GRIN2A: variants seen among roughly 807,000 people sequenced by gnomAD.
GRIN2A encodes the protein glutamate receptor ionotropic, NMDA 2A.
In GRIN2A, 22 loss-of-function variants were observed where a neutral mutation model predicts 113.4. The ratio of observed to expected loss-of-function variants is 0.19; its 90% CI spans 0.14 to 0.28. GRIN2A has a LOEUF of 0.28. Ranked by LOEUF, GRIN2A falls within the 10% of genes least tolerant of loss-of-function variation. The probability of loss-of-function intolerance (pLI) is 1.00; values close to 1 mark genes in which losing one functional copy is unlikely to be tolerated. For missense variants in GRIN2A, 1,502 were observed against 1,887.0 expected (o/e 0.80, Z 3.78); for synonymous variants, 827 against 738.4 (o/e 1.12, Z -1.94).
intron 2 of GRIN2A, among the ~76,000 whole-genome samples, chr16:10,035,575 C>T (rs1018376047): frequency 6.6e-6 from 1 of 152,190 alleles, no homozygotes; most frequent in African/African-American, 2.4e-5. Context: ...AGGCCAGGGG[C>T]TTTCAAACTT....
intron 3 of GRIN2A, among the ~76,000 whole-genome samples, chr16:9,903,533 G>T (rs757413080): frequency 1.6e-4 from 25 of 152,202 alleles, no homozygotes; most frequent in Admixed American, 4.6e-4. Context: ...AAGGAAGGCT[G>T]AGCAAGGACA....
At chr16:9,868,798 C>G (rs146515526) in intron 4 of GRIN2A, among the ~76,000 whole-genome samples, 1,829 of 152,298 alleles carry the variant, frequency 0.012, 55 homozygotes, top group African/African-American at 0.042. Flanking sequence ...TCACACAGAA[C>G]TAATCACAGG....
chr16:10,135,641 G>C (rs780327983), intron 2 of GRIN2A, among the ~76,000 whole-genome samples: 1 of 152,164 alleles, frequency 6.6e-6, no homozygotes, highest in Non-Finnish European at 1.5e-5. Flanking sequence ...TACATGACAA[G>C]GAATTGGCTT....
intron 2 of GRIN2A, among the ~76,000 whole-genome samples, chr16:10,010,930 G>A (rs542475799): frequency 1.3e-5 from 2 of 152,296 alleles, no homozygotes; most frequent in South Asian, 4.1e-4. Context: ...ACCTGAAGTT[G>A]TGGAACATGG....
chr16:10,173,662 T>G (rs560894486), intron 2 of GRIN2A, among the ~76,000 whole-genome samples: 1 of 152,196 alleles, frequency 6.6e-6, no homozygotes, highest in East Asian at 1.9e-4. Context: ...AAGTGTGAGG[T>G]ACTGAAAAGG....
intron 2 of GRIN2A, among the ~76,000 whole-genome samples, chr16:10,012,106 A>G (rs1209987090): frequency 6.6e-6 from 1 of 152,208 alleles, no homozygotes; most frequent in African/African-American, 2.4e-5. Flanking sequence ...GGTCATTTCT[A>G]TAATAACATC....
chr16:9,787,126 T>A (rs933795572), intron 11 of GRIN2A, among the ~76,000 whole-genome samples: 5 of 152,160 alleles, frequency 3.3e-5, no homozygotes, highest in Non-Finnish European at 7.4e-5. Context: ...GAAAAATGCA[T>A]CTTATATATA....
At chr16:10,080,936 A>C (rs975842290) in intron 2 of GRIN2A, among the ~76,000 whole-genome samples, 1 of 152,072 alleles carries the variant, frequency 6.6e-6, no homozygotes. Context: ...GCCCCAGTGA[A>C]TATCTTCGCC....
chr16:9,857,521 C>T (rs759903096), intron 4 of GRIN2A, among the ~76,000 whole-genome samples: 11 of 152,152 alleles, frequency 7.2e-5, no homozygotes, highest in Non-Finnish European at 1.6e-4. Flanking sequence ...TTCTCAGACA[C>T]AGAGTAGCAA....
At chr16:9,848,278 C>T (rs1379752703) in intron 5 of GRIN2A, among the ~76,000 whole-genome samples, 3 of 150,746 alleles carry the variant, frequency 2.0e-5, no homozygotes, top group East Asian at 1.9e-4. Context: ...TGTAGTGGCT[C>T]GATCTCGACT....
chr16:9,938,792 T>A (rs978941256), intron 2 of GRIN2A, among the ~76,000 whole-genome samples: 1 of 152,182 alleles, frequency 6.6e-6, no homozygotes, highest in African/African-American at 2.4e-5. Context: ...TGCTTGCTTA[T>A]CATCTATTCT....
chr16:10,132,597 C>T (rs865980851), intron 2 of GRIN2A, among the ~76,000 whole-genome samples: 1 of 152,154 alleles, frequency 6.6e-6, no homozygotes, highest in African/African-American at 2.4e-5. Flanking sequence ...TGGAATCATT[C>T]GGGCATGGGG....
chr16:10,112,277 TG>T, intron 2 of GRIN2A: 1 of 641,562 alleles, frequency 1.6e-6, no homozygotes. Flanking sequence ...TCCAGGTGAT[TG>T]GGAGGAATGT....
intron 4 of GRIN2A, among the ~76,000 whole-genome samples, chr16:9,875,656 G>A (rs1371436283): frequency 6.6e-6 from 1 of 152,246 alleles, no homozygotes; most frequent in Non-Finnish European, 1.5e-5. Context: ...CTGAGCTCCA[G>A]TAATTGTGGG....
At chr16:10,132,489 A>T (rs2058422025) in intron 2 of GRIN2A, among the ~76,000 whole-genome samples, 1 of 152,188 alleles carries the variant, frequency 6.6e-6, no homozygotes, top group African/African-American at 2.4e-5. Flanking sequence ...ATCCTACGTC[A>T]AATGTAAAGC....
intron 2 of GRIN2A, among the ~76,000 whole-genome samples, chr16:10,071,505 C>G (rs1010888206): frequency 6.6e-6 from 1 of 152,192 alleles, no homozygotes; most frequent in Non-Finnish European, 1.5e-5. Flanking sequence ...CCTAATAACA[C>G]TGTATTGAGA....
At chr16:9,810,654 C>T (rs556514400) in intron 10 of GRIN2A, among the ~76,000 whole-genome samples, 5 of 152,146 alleles carry the variant, frequency 3.3e-5, no homozygotes, top group African/African-American at 1.2e-4. Flanking sequence ...AACTGGAGGA[C>T]GCAAAGAATG....
chr16:10,064,645 C>T (rs1177871290), intron 2 of GRIN2A, among the ~76,000 whole-genome samples: 1 of 152,200 alleles, frequency 6.6e-6, no homozygotes, highest in Non-Finnish European at 1.5e-5. Flanking sequence ...AATATGGTGA[C>T]TAAAACATAT....
chr16:10,026,412 G>A (rs370979701), intron 2 of GRIN2A, among the ~76,000 whole-genome samples: 7 of 152,096 alleles, frequency 4.6e-5, no homozygotes, highest in African/African-American at 1.7e-4. Flanking sequence ...AACAGCATTA[G>A]ATGCATTTCC....
Sources: gnomAD v4.1 joint callset for allele counts (sites outside exome capture counted in the v4.1 genomes callset) on GRCh38, gnomAD v4.1.1 for gene constraint, MANE v1.5 for transcripts, NCBI Gene and HGNC (gene_info 2026-07-23, HGNC 2026-07-21) for gene names.